ZDHHC3: variants seen among roughly 807,000 people sequenced by gnomAD.
ZDHHC3 encodes palmitoyltransferase ZDHHC3.
In ZDHHC3, 9 loss-of-function variants were observed where a neutral mutation model predicts 30.6. That is an observed-to-expected ratio of 0.29 (90% confidence interval 0.18 to 0.51). ZDHHC3 has a LOEUF of 0.51. Among genes scored for constraint, ZDHHC3 ranks in the 20% least tolerant of loss-of-function variants. The pLI is 0.97. For synonymous variants in ZDHHC3, 136 were observed against 140.2 expected (o/e 0.97, Z 0.21); for missense variants, 246 against 384.2 (o/e 0.64, Z 3.01).
rs1466193818 is a variant in ZDHHC3, at chr3:44,922,208, G to A, written c.*4481C>T. 1.0e-6 allele frequency: 1 copy of A among 985,370 alleles called. No individual in the cohort carries two copies. The highest frequency in any genetic ancestry group is 1.1e-4 in the East Asian group (1 of 8,832). 61.0% of individuals were successfully genotyped at this position (985,370 alleles called of 1,614,324 possible). Reference sequence around the variant, plus strand: ...GAATACAAGAAAAAGCCACATGGGTGTTGAAACCCACACGTAGAAAGCAAA... The same window carrying A: ...GAATACAAGAAAAAGCCACATGGGTATTGAAACCCACACGTAGAAAGCAAA... On this transcript the variant is annotated 3_prime_UTR_variant, in exon 7 of 7. Transcript: ENST00000424952.
intron 1 of ZDHHC3, among the ~76,000 whole-genome samples, chr3:44,973,419 G>A (rs1005460308): frequency 2.6e-5 from 4 of 152,110 alleles, no homozygotes; most frequent in African/African-American, 9.7e-5. Context: ...AAGAATACTT[G>A]CATCACAGGG....
rs1704311342 is a variant in ZDHHC3, at chr3:44,959,808, G to A, written c.-24-348C>T. ...GTCTCACTCTGTCATTCAGGCTGGA[G>A]TGCAGTGGCACCGTCTTAGGTCAAT... On this transcript the variant is annotated intron_variant, in intron 1 of 6. Transcript: ENST00000424952. The surrounding 1 kb of genome is among the most constrained non-coding windows in gnomAD (Gnocchi z 4.3). Among the ~76,000 whole-genome samples the A allele has an allele frequency of 6.6e-6, 1 of 152,184 alleles. No individual in the cohort carries two copies. Among genetic ancestry groups the A allele is most frequent in the African/African-American group, 2.4e-5 (1 of 41,428 alleles).
intron 3 of ZDHHC3, among the ~76,000 whole-genome samples, chr3:44,944,023 C>G (rs1702678631): frequency 6.6e-6 from 1 of 151,974 alleles, no homozygotes; most frequent in Admixed American, 6.6e-5. Context: ...GTTGCACAGG[C>G]TGGAGTGCAG....
rs966516054 is a variant in ZDHHC3 at position 44,923,121 on chromosome 3, G to C, written c.*3568C>G. On this transcript the variant is annotated 3_prime_UTR_variant, in exon 7 of 7. Transcript: ENST00000424952. ...GACGGAGTCTCACTCTGTCGCCCAG[G>C]CTGGAGTGCAGTGGTGCGATCTTGG... 5.1e-6 allele frequency: 5 copies of C among 975,608 alleles called. No homozygotes were observed. In the African/African-American group the frequency reaches 8.8e-5, roughly 17 times the overall value. The allele number at this position is 975,608 out of a possible 1,614,324, so 60.4% of individuals were successfully genotyped here.
rs938203279 is a variant in ZDHHC3 at position 44,923,633 on chromosome 3, C to T, written c.*3056G>A. On this transcript the variant is annotated 3_prime_UTR_variant, in exon 7 of 7. Coordinates refer to ENST00000424952, the MANE Select transcript of ZDHHC3 (RefSeq NM_001135179.2). ...CTAGGGCAACACAGTGAGACCCTGA[C>T]TCTATTAAAAAACAAAAAAATTAGC... The T allele has an allele frequency of 4.5e-6, 4 of 880,080 alleles. No homozygotes were observed. In the African/African-American group the frequency reaches 7.3e-5, roughly 16 times the overall value. The allele number at this position is 880,080 out of a possible 1,614,324, so 54.5% of individuals were successfully genotyped here.
intron 1 of ZDHHC3, among the ~76,000 whole-genome samples, chr3:44,972,882 C>A (rs1229236582): frequency 6.6e-6 from 1 of 152,214 alleles, no homozygotes; most frequent in Non-Finnish European, 1.5e-5. Flanking sequence ...TTCTAGATAT[C>A]TGAGTATGGC....
At position 44,920,455 on chromosome 3, in the gene ZDHHC3, G is replaced by A; in HGVS notation, c.*6234C>T. Reference sequence around the variant, plus strand: ...GACTGGCTGCATCCACACTGACTTGGACTCAAAGCCATGACCATAGGTTTT... The same window carrying A: ...GACTGGCTGCATCCACACTGACTTGAACTCAAAGCCATGACCATAGGTTTT... On this transcript the variant is annotated 3_prime_UTR_variant, in exon 7 of 7. Coordinates refer to ENST00000424952, the MANE Select transcript of ZDHHC3 (RefSeq NM_001135179.2). 1 of 1,235,580 alleles carries A rather than the reference G, an allele frequency of 8.1e-7. No individual in the cohort carries two copies. Among genetic ancestry groups the A allele is most frequent in the Non-Finnish European group, 1.0e-6 (1 of 957,540 alleles). 76.5% of individuals were successfully genotyped at this position (1,235,580 alleles called of 1,614,324 possible). A position where few individuals can be genotyped will look rare whatever the true frequency, so the allele number is the denominator to read the frequency against.
Position 44,933,216 on chromosome 3 carries a change from G to C in ZDHHC3, c.529-17C>G. On this transcript the variant is annotated splice_polypyrimidine_tract_variant and intron_variant, in intron 4 of 6. Transcript: ENST00000424952. ...TATGTACATCTGAAACAGGAAACCA[G>C]TGCAGACACCATTGTTGTGAGAATC... 6.2e-7 allele frequency: 1 copy of C among 1,611,630 alleles called. No homozygotes were observed. The highest frequency in any genetic ancestry group is 8.5e-7 in the Non-Finnish European group (1 of 1,177,816).
intron 4 of ZDHHC3, 67 bp from the exon 5 acceptor site, chr3:44,933,266 CA>C: frequency 2.7e-6 from 4 of 1,479,384 alleles, no homozygotes; most frequent in South Asian, 1.1e-5. Flanking sequence ...GCTCCCGGGA[CA>C]GGGGCACTCA....
At chr3:44,973,101 A>G (rs558936733) in intron 1 of ZDHHC3, among the ~76,000 whole-genome samples, 30 of 152,350 alleles carry the variant, frequency 2.0e-4, no homozygotes, top group African/African-American at 7.2e-4. Flanking sequence ...CCTCTAGAAA[A>G]ATGATTCAAG....
chr3:44,932,566 T>C lies in ZDHHC3; in HGVS notation c.610+552A>G, dbSNP rs1338311523. On this transcript the variant is annotated intron_variant, in intron 5 of 6. Transcript: ENST00000424952. ...TCTGGCTGGAGTTTCTCCCTCAGTA[T>C]TTGCACATTTCAGTGGGAAGCCTCT... is the stretch of plus-strand genomic sequence containing the variant. Among the ~76,000 whole-genome samples the C allele has an allele frequency of 5.3e-5, 8 of 152,298 alleles. No homozygotes were observed. The East Asian group carries it at 1.5e-3, about 29-fold the overall frequency.
intron 5 of ZDHHC3, among the ~76,000 whole-genome samples, chr3:44,931,676 C>T (rs535223254): frequency 1.4e-4 from 21 of 152,212 alleles, no homozygotes; most frequent in Non-Finnish European, 2.9e-4. Context: ...CTCACTCCAT[C>T]AGGAATTTTG....
chr3:44,926,222 G>C lies in ZDHHC3; in HGVS notation c.*467C>G. 1.0e-6 allele frequency: 1 copy of C among 986,136 alleles called. No homozygotes were observed. The highest frequency in any genetic ancestry group is 4.7e-5 in the South Asian group (1 of 21,302). 61.1% of individuals were successfully genotyped at this position (986,136 alleles called of 1,614,324 possible). Reference sequence around the variant, plus strand: ...CCTCAAGGGGTAAGCATCCATCTTCGGTGAGGTTTTATGTCCCATCGGGGA... The same window carrying C: ...CCTCAAGGGGTAAGCATCCATCTTCCGTGAGGTTTTATGTCCCATCGGGGA... On this transcript the variant is annotated 3_prime_UTR_variant, in exon 7 of 7. Coordinates refer to ENST00000424952, the MANE Select transcript of ZDHHC3 (RefSeq NM_001135179.2).
chr3:44,967,554 A>C (rs1489392295), intron 1 of ZDHHC3, among the ~76,000 whole-genome samples: 1 of 152,112 alleles, frequency 6.6e-6, no homozygotes, highest in Non-Finnish European at 1.5e-5. Flanking sequence ...AAAAAGACAC[A>C]CTCATGTACA....
In ZDHHC3 at chr3:44,926,505, T is replaced by C; in HGVS notation, c.*184A>G. 7.8e-7 allele frequency: 1 copy of C among 1,281,580 alleles called. No homozygotes were observed. The highest frequency in any genetic ancestry group is 3.8e-5 in the Admixed American group (1 of 26,262). 79.4% of individuals were successfully genotyped at this position (1,281,580 alleles called of 1,614,324 possible). A position where few individuals can be genotyped will look rare whatever the true frequency, so the allele number is the denominator to read the frequency against. The stretch of plus-strand genomic sequence containing the variant: ...ACCAAAAGAAATCGAAAGGATGGTT[T>C]TTAAAAAATAAAATGTGGGGACTTT... On this transcript the variant is annotated 3_prime_UTR_variant, in exon 7 of 7. Coordinates refer to ENST00000424952, the MANE Select transcript of ZDHHC3 (RefSeq NM_001135179.2).
At chr3:44,963,179 C>T (rs1704629589) in intron 1 of ZDHHC3, among the ~76,000 whole-genome samples, 1 of 152,142 alleles carries the variant, frequency 6.6e-6, no homozygotes. Flanking sequence ...CTCAAGTAAC[C>T]GGAATGTTCT....
At position 44,959,965 on chromosome 3, in the gene ZDHHC3, GT is replaced by G. The variant is rs1704331013; in HGVS notation, c.-24-506del. ...TTTTGTAGAGATGGGGTTTTGCCATGTTGCCCAGGCTGATCTCAAACTCCTG... is the reference window on the plus strand; with the variant it reads ...TTTTGTAGAGATGGGGTTTTGCCATGTGCCCAGGCTGATCTCAAACTCCTG... On this transcript the variant is annotated intron_variant, in intron 1 of 6. Transcript: ENST00000424952. The surrounding 1 kb of genome is among the most constrained non-coding windows in gnomAD (Gnocchi z 4.3). 6.6e-6 allele frequency among the ~76,000 whole-genome samples: 1 copy of G among 152,186 alleles called. No homozygotes were observed. Among genetic ancestry groups the G allele is most frequent in the Admixed American group, 6.5e-5 (1 of 15,276 alleles).
chr3:44,962,452 A>T (rs895967654), intron 1 of ZDHHC3, among the ~76,000 whole-genome samples: 21 of 148,822 alleles, frequency 1.4e-4, no homozygotes, highest in South Asian at 2.2e-4. Context: ...CACTTTAATC[A>T]TTTGGATGGT....
Position 44,919,880 on chromosome 3 carries a change from A to G in ZDHHC3, c.*6809T>C, listed in dbSNP as rs1296901675. 9.8e-7 allele frequency: 1 copy of G among 1,015,454 alleles called. No homozygotes were observed. Among genetic ancestry groups the G allele is most frequent in the Non-Finnish European group, 1.2e-6 (1 of 846,246 alleles). The allele number at this position is 1,015,454 out of a possible 1,614,324, so 62.9% of individuals were successfully genotyped here. ...AATCAATAATCTGAGACAAAGATTTATGCAATACAAACTTGAACACTGAAT... is the reference window on the plus strand; with the variant it reads ...AATCAATAATCTGAGACAAAGATTTGTGCAATACAAACTTGAACACTGAAT... On this transcript the variant is annotated 3_prime_UTR_variant, in exon 7 of 7. Transcript: ENST00000424952.
Sources: allele counts gnomAD v4.1 joint callset (sites outside exome capture counted in the v4.1 genomes callset), GRCh38; gene constraint gnomAD v4.1.1; non-coding constraint Gnocchi (gnomAD v3.1); transcripts MANE v1.5; gene names NCBI Gene and HGNC (gene_info 2026-07-23, HGNC 2026-07-21).